The following TAB2 variants were observed in gnomAD, a reference collection of about 807,000 sequenced individuals.
TAB2 encodes TGF-beta activated kinase 1 (MAP3K7) binding protein 2.
Under a neutral mutation model 65.0 loss-of-function variants are expected in TAB2, and 3 were observed. The observed-to-expected ratio is 0.05, with a 90% confidence interval of 0.02 to 0.12. The LOEUF is 0.12. TAB2 is among the 10% of genes least tolerant of loss of function. The pLI, the probability that TAB2 is intolerant of heterozygous loss-of-function variation, is 1.00. For synonymous variants in TAB2, 298 were observed against 285.1 expected (o/e 1.05, Z -0.46); for missense variants, 623 against 840.3 (o/e 0.74, Z 3.20).
At chr6:149,303,048 T>C (rs1410286103) in intron 1 of TAB2, among the ~76,000 whole-genome samples, 1 of 152,202 alleles carries the variant, frequency 6.6e-6, no homozygotes, top group African/African-American at 2.4e-5. Flanking sequence ...GTGTGCTCCT[T>C]ATGAGAATCT....
chr6:149,387,452 C>A (rs1044407676), intron 3 of TAB2, among the ~76,000 whole-genome samples: 1 of 152,152 alleles, frequency 6.6e-6, no homozygotes, highest in African/African-American at 2.4e-5. Context: ...ACTCTCAATT[C>A]TTTTCCATTG....
intron 1 of TAB2, among the ~76,000 whole-genome samples, chr6:149,275,300 G>GAAGGAAAGAAAGAAAA (rs1223068467): frequency 7.8e-6 from 1 of 128,302 alleles, no homozygotes; most frequent in African/African-American, 3.1e-5. Flanking sequence ...AAGAAAGAAA[G>GAAGGAAAGAAAGAAAA]AGAAAAAAGA....
At chr6:149,325,718 G>A (rs1779595633) in intron 1 of TAB2, among the ~76,000 whole-genome samples, 1 of 152,086 alleles carries the variant, frequency 6.6e-6, no homozygotes. Context: ...CTTTATCTGT[G>A]TAAAATGATC....
chr6:149,346,988 A>G (rs1356036444), intron 1 of TAB2, among the ~76,000 whole-genome samples: 1 of 152,156 alleles, frequency 6.6e-6, no homozygotes, highest in Admixed American at 6.6e-5. Flanking sequence ...TCTTTTATAG[A>G]TGATATTTAT....
chr6:149,330,028 A>G (rs1300402296), intron 1 of TAB2, among the ~76,000 whole-genome samples: 1 of 151,872 alleles, frequency 6.6e-6, no homozygotes, highest in Non-Finnish European at 1.5e-5. Context: ...TCTGTTCTCT[A>G]TCACTATAAT....
intron 1 of TAB2, among the ~76,000 whole-genome samples, chr6:149,309,392 C>A (rs1312471549): frequency 6.7e-6 from 1 of 150,138 alleles, no homozygotes; most frequent in East Asian, 1.9e-4. Context: ...ACCCCAACAC[C>A]AATAATTCCT....
At chr6:149,263,905 C>T (rs994511765) in intron 1 of TAB2, among the ~76,000 whole-genome samples, 1 of 152,164 alleles carries the variant, frequency 6.6e-6, no homozygotes, top group South Asian at 2.1e-4. Context: ...CTCTTCTTGA[C>T]TTTGGAAACT....
At chr6:149,389,923 A>G (rs1323997359) in intron 3 of TAB2, among the ~76,000 whole-genome samples, 2 of 152,228 alleles carry the variant, frequency 1.3e-5, no homozygotes, top group Non-Finnish European at 2.9e-5. Flanking sequence ...GTAGGTTCTT[A>G]AAAATAATTA....
At chr6:149,363,959 A>G (rs1292407484) in intron 1 of TAB2, among the ~76,000 whole-genome samples, 5 of 152,180 alleles carry the variant, frequency 3.3e-5, no homozygotes, top group African/African-American at 1.2e-4. Context: ...TATCCAGTTG[A>G]GCAAATCAGA....
intron 1 of TAB2, among the ~76,000 whole-genome samples, chr6:149,363,316 A>C (rs1780915560): frequency 6.6e-6 from 1 of 152,100 alleles, no homozygotes; most frequent in East Asian, 1.9e-4. Flanking sequence ...TGATTCATTC[A>C]CCACCAGGCC....
intron 1 of TAB2, among the ~76,000 whole-genome samples, chr6:149,309,883 G>GGGGT (rs1779138660): frequency 2.7e-5 from 4 of 149,466 alleles, no homozygotes; most frequent in South Asian, 2.1e-4. Flanking sequence ...TGTGGGTGTG[G>GGGGT]GTGTGTGTGT....
intron 1 of TAB2, among the ~76,000 whole-genome samples, chr6:149,248,247 C>G (rs556377417): frequency 1.3e-5 from 2 of 151,902 alleles, no homozygotes; most frequent in African/African-American, 4.8e-5. Context: ...CAAAAATTAG[C>G]CGGGCGTGGT....
In TAB2 at chr6:149,378,588, A is replaced by G. The variant is rs1283383565; in HGVS notation, c.673A>G (p.Thr225Ala). Residue 225 changes from threonine to alanine, a missense_variant, in exon 3 of 7, where the codon ACA becomes GCA. Thr to Ala is a moderately conservative substitution (Grantham distance 58, BLOSUM62 0). Transcript: ENST00000637181. The stretch of plus-strand genomic sequence containing the variant: ...GCCTTACATTACAACTCCTGGTGGT[A>G]CAACTCGACAGACACAACAGCATTC... ...IRPYITTPGG[T>A]TRQTQQHSGW... The G allele has an allele frequency of 1.2e-6, 2 of 1,613,790 alleles. No individual in the cohort carries two copies. The highest frequency in any genetic ancestry group is 1.7e-6 in the Non-Finnish European group (2 of 1,180,030).
At chr6:149,401,316 A>G (rs1304478101) in intron 6 of TAB2, 2 of 166,082 alleles carry the variant, frequency 1.2e-5, no homozygotes, top group Non-Finnish European at 2.9e-5. Flanking sequence ...TACTATCTAC[A>G]AGAGACTCAT....
chr6:149,239,277 C>T (rs150181331), intron 1 of TAB2, among the ~76,000 whole-genome samples: 77 of 152,286 alleles, frequency 5.1e-4, no homozygotes, highest in East Asian at 1.7e-3. Flanking sequence ...TCTTGGTCAC[C>T]GTGACTTTAA....
chr6:149,397,671 G>A lies in TAB2; in HGVS notation c.1671G>A (p.Lys557=). 6 of 1,614,028 alleles carry A rather than the reference G, an allele frequency of 3.7e-6. No homozygotes were observed. The highest frequency in any genetic ancestry group is 4.2e-6 in the Non-Finnish European group (5 of 1,179,982). ...LQRELEIQKK[K]LDKLKSEVNE... ...GAGAACTTGAGATTCAAAAGAAAAA[G>A]CTGGATAAATTAAAATCTGAGGTTA... Residue 557 remains lysine, a synonymous_variant, in exon 4 of 7, where the codon AAG becomes AAA. Coordinates refer to ENST00000637181, the MANE Select transcript of TAB2 (RefSeq NM_001292034.3).
At chr6:149,363,311 C>G (rs931272943) in intron 1 of TAB2, among the ~76,000 whole-genome samples, 3 of 152,046 alleles carry the variant, frequency 2.0e-5, no homozygotes, top group African/African-American at 4.8e-5. Flanking sequence ...CCCTATGATT[C>G]ATTCACCACC....
chr6:149,250,672 A>C (rs980844417), intron 1 of TAB2, among the ~76,000 whole-genome samples: 2 of 152,228 alleles, frequency 1.3e-5, no homozygotes, highest in African/African-American at 4.8e-5. Context: ...AGATTACTCA[A>C]GACTGTATAT....
chr6:149,232,274 C>A (rs930760557), intron 1 of TAB2, among the ~76,000 whole-genome samples: 1 of 152,142 alleles, frequency 6.6e-6, no homozygotes, highest in Non-Finnish European at 1.5e-5. Flanking sequence ...GTCGCCCAAG[C>A]TGGAGTGCAG....
Sources: allele counts gnomAD v4.1 joint callset (sites outside exome capture counted in the v4.1 genomes callset), GRCh38; gene constraint gnomAD v4.1.1; transcripts MANE v1.5; gene names NCBI Gene and HGNC (gene_info 2026-07-23, HGNC 2026-07-21).